Variants in RBFOX2 observed in about 807,000 individuals in gnomAD.
The protein encoded by RBFOX2 is RNA binding fox-1 homolog 2, also known as RNA binding protein fox-1 homolog 2.
RBFOX2 carries 10 observed loss-of-function variants against 49.1 expected under a neutral mutation model. The observed-to-expected ratio is 0.20, with a 90% CI of 0.13 to 0.35. RBFOX2 has a LOEUF of 0.35. Ranked by LOEUF, RBFOX2 falls within the 10% of genes least tolerant of loss-of-function variation. The pLI is 1.00. For synonymous variants in RBFOX2, 183 were observed against 187.4 expected (o/e 0.98, Z 0.19); for missense variants, 323 against 486.9 (o/e 0.66, Z 3.17).
rs534822436 is a variant in RBFOX2, at chr22:35,789,502, C to T, written c.253-7756G>A. On this transcript the variant is annotated intron_variant, in intron 2 of 11. Transcript: ENST00000405409. ...AGGTTGCAATGAGCTGAGATCGCAC[C>T]ATTGCACTCTAGCCTAGGCCACAGA... is the stretch of plus-strand genomic sequence containing the variant. Among the ~76,000 whole-genome samples the T allele has an allele frequency of 6.6e-5, 10 of 152,138 alleles. No individual in the cohort carries two copies. In the South Asian group the frequency reaches 2.1e-3, roughly 32 times the overall value.
intron 6 of RBFOX2, among the ~76,000 whole-genome samples, chr22:35,763,777 T>C (rs536156278): frequency 3.3e-5 from 5 of 152,000 alleles, no homozygotes; most frequent in African/African-American, 1.2e-4. Flanking sequence ...GCTGGGAGGG[T>C]TGAGTTTCAA....
At chr22:35,882,498 G>A (rs2046035120) in intron 1 of RBFOX2, among the ~76,000 whole-genome samples, 2 of 152,186 alleles carry the variant, frequency 1.3e-5, no homozygotes, top group African/African-American at 2.4e-5. Flanking sequence ...GCAGTTGCTG[G>A]CAAAGTGAGG....
At chr22:35,857,882 G>A (rs2042686990) in intron 1 of RBFOX2, among the ~76,000 whole-genome samples, 1 of 152,190 alleles carries the variant, frequency 6.6e-6, no homozygotes, top group South Asian at 2.1e-4. Flanking sequence ...ACAAAAGCCA[G>A]GAATACAGAG....
chr22:35,793,206 T>C (rs1273552410), intron 2 of RBFOX2, among the ~76,000 whole-genome samples: 11 of 152,238 alleles, frequency 7.2e-5, no homozygotes, highest in Admixed American at 7.2e-4. Context: ...ACCCCATCTC[T>C]ACTAAAAATA....
At chr22:35,860,956 T>C (rs1435002901) in intron 1 of RBFOX2, among the ~76,000 whole-genome samples, 2 of 152,230 alleles carry the variant, frequency 1.3e-5, no homozygotes, top group African/African-American at 4.8e-5. Context: ...TGAAGTCTGC[T>C]AGATCCCATA....
intron 1 of RBFOX2, among the ~76,000 whole-genome samples, chr22:35,874,722 T>C (rs897858483): frequency 2.6e-5 from 4 of 152,214 alleles, no homozygotes; most frequent in African/African-American, 9.6e-5. Context: ...CACAGCTACA[T>C]AGTAGCAAGT....
chr22:35,908,522 G>T (rs923004447), intron 1 of RBFOX2, among the ~76,000 whole-genome samples: 1 of 152,094 alleles, frequency 6.6e-6, no homozygotes, highest in South Asian at 2.1e-4. Flanking sequence ...GTGAAAAAAT[G>T]GGTACTCAGA....
chr22:35,833,924 T>A (rs1410536056), intron 1 of RBFOX2, among the ~76,000 whole-genome samples: 3 of 152,128 alleles, frequency 2.0e-5, no homozygotes, highest in Non-Finnish European at 4.4e-5. Context: ...AATATTTTTA[T>A]CATAGAATAA....
intron 1 of RBFOX2, chr22:35,898,099 T>C: frequency 1.4e-6 from 1 of 739,346 alleles, no homozygotes; most frequent in Admixed American, 1.7e-5. Context: ...AAACAGAAGC[T>C]AGCCCAGGTC....
intron 2 of RBFOX2, among the ~76,000 whole-genome samples, chr22:35,804,514 A>G (rs1950341069): frequency 6.6e-6 from 1 of 152,134 alleles, no homozygotes; most frequent in African/African-American, 2.4e-5. Context: ...AGAACAACTC[A>G]TCACCTACAG....
Position 35,862,408 on chromosome 22 carries a change from GA to G in RBFOX2, c.-33-52405del, listed in dbSNP as rs952558898. On this transcript the variant is annotated intron_variant, in intron 1 of 13. Coordinates refer to the RBFOX2 transcript ENST00000359369. ...GGGGGAATGATAAAAGGAGATGGGG[GA>G]AAGGCATCCGTCTTCCCTAAAACAC... is the stretch of plus-strand genomic sequence containing the variant. 6.9e-4 allele frequency among the ~76,000 whole-genome samples: 104 copies of G among 151,210 alleles called. 3 individuals are homozygous for G. The highest frequency in any genetic ancestry group is 2.7e-4 in the Non-Finnish European group (18 of 67,846).
At chr22:35,817,696 A>G (rs1224881926) in intron 1 of RBFOX2, among the ~76,000 whole-genome samples, 3 of 152,134 alleles carry the variant, frequency 2.0e-5, no homozygotes, top group Non-Finnish European at 4.4e-5. Flanking sequence ...GGGTATAACT[A>G]AAGAATCAGG....
intron 1 of RBFOX2, among the ~76,000 whole-genome samples, chr22:36,006,043 G>T (rs2058604902): frequency 6.6e-6 from 1 of 152,202 alleles, no homozygotes; most frequent in Non-Finnish European, 1.5e-5. Flanking sequence ...CTACAAAAGA[G>T]AAATTCTCTC....
chr22:35,767,488 C>CT (rs1401682466), intron 5 of RBFOX2, among the ~76,000 whole-genome samples: 1 of 152,032 alleles, frequency 6.6e-6, no homozygotes, highest in African/African-American at 2.4e-5. Context: ...ATGCAGACAT[C>CT]TTACTCAAAA....
chr22:35,783,045 C>T (rs753135623), intron 2 of RBFOX2, among the ~76,000 whole-genome samples: 2 of 152,138 alleles, frequency 1.3e-5, no homozygotes, highest in African/African-American at 2.4e-5. Context: ...ACTACCATAA[C>T]CCGGTAAATT....
chr22:35,865,715 A>G (rs1342735404), intron 1 of RBFOX2, among the ~76,000 whole-genome samples: 1 of 152,212 alleles, frequency 6.6e-6, no homozygotes, highest in Non-Finnish European at 1.5e-5. Flanking sequence ...GAGTATGATT[A>G]CACAGTGTTG....
At chr22:35,954,626 GT>G (rs927278061) in intron 1 of RBFOX2, among the ~76,000 whole-genome samples, 1 of 152,146 alleles carries the variant, frequency 6.6e-6, no homozygotes, top group African/African-American at 2.4e-5. Context: ...ACATGATTAG[GT>G]TCCAAATATC....
At chr22:35,951,196 C>T (rs913120746) in intron 1 of RBFOX2, among the ~76,000 whole-genome samples, 1 of 150,110 alleles carries the variant, frequency 6.7e-6, no homozygotes, top group Non-Finnish European at 1.5e-5. Flanking sequence ...CCTCGTGTTC[C>T]GCCTGCCTTG....
intron 1 of RBFOX2, among the ~76,000 whole-genome samples, chr22:35,889,596 T>C (rs548044510): frequency 6.6e-6 from 1 of 152,272 alleles, no homozygotes; most frequent in Admixed American, 6.5e-5. Flanking sequence ...TCCTCTAATC[T>C]ATGTAGGTAT....
Sources: gnomAD v4.1 joint callset for allele counts (sites outside exome capture counted in the v4.1 genomes callset) on GRCh38, gnomAD v4.1.1 for gene constraint, MANE v1.5 for transcripts, NCBI Gene and HGNC (gene_info 2026-07-23, HGNC 2026-07-21) for gene names.